Variants in CREB5 observed in about 807,000 individuals in gnomAD.
CREB5 encodes the protein cAMP responsive element binding protein 5.
In CREB5, 19 loss-of-function variants were observed where a neutral mutation model predicts 57.1. The observed-to-expected ratio is 0.33, with a 90% CI of 0.23 to 0.49. CREB5 has a LOEUF of 0.49. CREB5 is among the 20% of genes least tolerant of loss of function. CREB5 has a pLI of 0.99. For missense variants in CREB5, 579 were observed against 671.6 expected (o/e 0.86, Z 1.52); for synonymous variants, 238 against 238.3 (o/e 1.00, Z 0.01).
chr7:28,659,060 G>A (rs2128711948), intron 5 of CREB5, among the ~76,000 whole-genome samples: 1 of 148,656 alleles, frequency 6.7e-6, no homozygotes, highest in East Asian at 2.0e-4. Flanking sequence ...ACTTTATTTG[G>A]TCCTCTTCCT....
chr7:28,361,667 A>G (rs1786486812), intron 1 of CREB5, among the ~76,000 whole-genome samples: 1 of 152,104 alleles, frequency 6.6e-6, no homozygotes, highest in Non-Finnish European at 1.5e-5. Flanking sequence ...TGTCTTTTTC[A>G]GGGCCTCTTT....
intron 1 of CREB5, among the ~76,000 whole-genome samples, chr7:28,368,307 T>C (rs561544850): frequency 6.6e-6 from 1 of 152,088 alleles, no homozygotes; most frequent in African/African-American, 2.4e-5. Flanking sequence ...GACAAGTACA[T>C]GGAAAGCCCA....
At chr7:28,621,492 A>T (rs1417240769) in intron 5 of CREB5, among the ~76,000 whole-genome samples, 1 of 152,230 alleles carries the variant, frequency 6.6e-6, no homozygotes, top group Non-Finnish European at 1.5e-5. Flanking sequence ...ACCTTCACAG[A>T]CTAAATTCAG....
At chr7:28,709,068 G>T (rs1562587333) in intron 5 of CREB5, among the ~76,000 whole-genome samples, 1 of 152,152 alleles carries the variant, frequency 6.6e-6, no homozygotes, top group Non-Finnish European at 1.5e-5. Context: ...CTAGTCAGAT[G>T]TACAGCACTT....
intron 1 of CREB5, among the ~76,000 whole-genome samples, chr7:28,350,077 T>G (rs910308503): frequency 6.6e-6 from 1 of 152,246 alleles, no homozygotes; most frequent in African/African-American, 2.4e-5. Flanking sequence ...GATACAGGCA[T>G]TCAGCCATCA....
At chr7:28,700,268 C>T (rs1243044077) in intron 5 of CREB5, among the ~76,000 whole-genome samples, 1 of 152,134 alleles carries the variant, frequency 6.6e-6, no homozygotes, top group Non-Finnish European at 1.5e-5. Context: ...TCCCACGATG[C>T]AGGGCTAACT....
intron 1 of CREB5, among the ~76,000 whole-genome samples, chr7:28,419,678 C>G (rs539037662): frequency 6.6e-6 from 1 of 152,196 alleles, no homozygotes; most frequent in Non-Finnish European, 1.5e-5. Flanking sequence ...TGCAAATGTG[C>G]TTATCATTTT....
At chr7:28,309,265 G>A (rs1291092259) in intron 1 of CREB5, among the ~76,000 whole-genome samples, 1 of 152,120 alleles carries the variant, frequency 6.6e-6, no homozygotes, top group Admixed American at 6.5e-5. Context: ...TTCTTCTGGA[G>A]AGCCCTGACT....
chr7:28,321,234 C>G (rs561445493), intron 1 of CREB5, among the ~76,000 whole-genome samples: 2 of 151,388 alleles, frequency 1.3e-5, no homozygotes, highest in African/African-American at 4.8e-5. Flanking sequence ...TTTTTTGTAC[C>G]CTTCATCCTC....
At chr7:28,591,440 A>G (rs1485216308) in intron 5 of CREB5, among the ~76,000 whole-genome samples, 2 of 152,102 alleles carry the variant, frequency 1.3e-5, no homozygotes, top group Non-Finnish European at 2.9e-5. Context: ...CCGTGCTTGT[A>G]ATACTCAGAA....
chr7:28,344,817 A>G (rs1365477208), intron 1 of CREB5, among the ~76,000 whole-genome samples: 1 of 152,196 alleles, frequency 6.6e-6, no homozygotes, highest in East Asian at 1.9e-4. Flanking sequence ...AAGGTAGAAG[A>G]TATTCCATGC....
chr7:28,709,637 G>C (rs1470325927), intron 5 of CREB5, among the ~76,000 whole-genome samples: 1 of 151,260 alleles, frequency 6.6e-6, no homozygotes, highest in African/African-American at 2.4e-5. Flanking sequence ...TCTGTTAGCT[G>C]TATTATGTTT....
chr7:28,695,083 C>T (rs1359121942), intron 5 of CREB5, among the ~76,000 whole-genome samples: 3 of 152,148 alleles, frequency 2.0e-5, no homozygotes, highest in East Asian at 1.9e-4. Context: ...AAAAATTAGC[C>T]GGGCATGGTA....
intron 1 of CREB5, among the ~76,000 whole-genome samples, chr7:28,383,648 C>G (rs1286813797): frequency 6.6e-6 from 1 of 152,120 alleles, no homozygotes; most frequent in Non-Finnish European, 1.5e-5. Context: ...AACTCACTCA[C>G]TATTGTGAGT....
intron 1 of CREB5, among the ~76,000 whole-genome samples, chr7:28,315,505 T>G (rs1038131232): frequency 2.0e-5 from 3 of 152,230 alleles, no homozygotes; most frequent in Non-Finnish European, 4.4e-5. Flanking sequence ...AAACTTGTTC[T>G]GCAAAAGCAG....
chr7:28,497,716 G>A (rs1170488307), intron 3 of CREB5, among the ~76,000 whole-genome samples: 23 of 152,100 alleles, frequency 1.5e-4, no homozygotes, highest in Admixed American at 1.5e-3. Context: ...TACCAACATT[G>A]TCCATCCTGA....
At chr7:28,546,675 C>T (rs1343269405) in intron 4 of CREB5, among the ~76,000 whole-genome samples, 1 of 152,168 alleles carries the variant, frequency 6.6e-6, no homozygotes. Flanking sequence ...GTTATCCCAC[C>T]TCATCTTGAG....
chr7:28,466,361 G>A (rs1426484299), intron 1 of CREB5, among the ~76,000 whole-genome samples: 3 of 152,108 alleles, frequency 2.0e-5, no homozygotes, highest in Non-Finnish European at 4.4e-5. Flanking sequence ...GCTTCAATCA[G>A]TCTTGAAAGA....
chr7:28,761,619 T>C (rs778182362), intron 7 of CREB5, among the ~76,000 whole-genome samples: 3 of 152,176 alleles, frequency 2.0e-5, no homozygotes, highest in Non-Finnish European at 2.9e-5. Flanking sequence ...ATGCAAATAC[T>C]GTATGGGGCT....
Sources: allele counts gnomAD v4.1 joint callset (sites outside exome capture counted in the v4.1 genomes callset), GRCh38; gene constraint gnomAD v4.1.1; transcripts MANE v1.5; gene names NCBI Gene and HGNC (gene_info 2026-07-23, HGNC 2026-07-21).